SAMD5: variants seen among roughly 807,000 people sequenced by gnomAD.
SAMD5 encodes sterile alpha motif domain containing 5, also known as sterile alpha motif domain-containing protein 5.
A neutral mutation model predicts 11.3 loss-of-function variants in SAMD5; 13 were observed. The ratio of observed to expected loss-of-function variants is 1.15; its 90% CI spans 0.75 to 1.83. The LOEUF is 1.83. Ranked by LOEUF, SAMD5 falls within the 40% of genes most tolerant of loss-of-function variation. SAMD5 has a pLI of 0.00. For synonymous variants in SAMD5, 129 were observed against 111.3 expected, an observed-to-expected ratio of 1.16 and a Z score of -1.00; for missense variants, 255 against 239.1, an observed-to-expected ratio of 1.07 and a Z score of -0.44.
At chr6:147,530,513 T>A (rs1482055882) in intron 1 of SAMD5, among the ~76,000 whole-genome samples, 1 of 152,222 alleles carries the variant, frequency 6.6e-6, no homozygotes, top group Non-Finnish European at 1.5e-5. Flanking sequence ...ACCAGCTCCT[T>A]CCTTCCCCTC....
the SAMD5 span, among the ~76,000 whole-genome samples, chr6:147,917,497 C>T: frequency 4.6e-5 from 7 of 152,094 alleles, no homozygotes; most frequent in South Asian, 4.2e-4. Flanking sequence ...TTTTCTCCCA[C>T]TTTGTAGGTT....
chr6:147,924,145 G>GGA, the SAMD5 span, among the ~76,000 whole-genome samples: 2 of 152,108 alleles, frequency 1.3e-5, no homozygotes, highest in Non-Finnish European at 2.9e-5. Flanking sequence ...TGGGGAAGTG[G>GGA]GACCTTGCCA....
chr6:147,652,413 G>A (rs1790498837), intron 1 of SAMD5, among the ~76,000 whole-genome samples: 1 of 152,174 alleles, frequency 6.6e-6, no homozygotes. Context: ...CAATCAAGTA[G>A]AGATTCTGAG....
intron 1 of SAMD5, among the ~76,000 whole-genome samples, chr6:147,601,982 T>C (rs1270146126): frequency 1.3e-5 from 2 of 152,176 alleles, no homozygotes; most frequent in Admixed American, 1.3e-4. Context: ...CTCAGCAGAG[T>C]TGGAAGAGAC....
At position 147,711,999 on chromosome 6, in the gene SAMD5, A is replaced by G. The variant is rs958690963; in HGVS notation, c.163-25318A>G. ...ATTTTCTTACAGAAATCCAAGAGAC[A>G]TTACAGGGGAGATAAAGAAATTTTT... On this transcript the variant is annotated intron_variant, in intron 1 of 1. Transcript: ENST00000566741. This position sits in a 1 kb window ranked among gnomAD's most constrained non-coding sequence, Gnocchi z 4.1. Among the ~76,000 whole-genome samples, 4 of 152,224 alleles carry G rather than the reference A, an allele frequency of 2.6e-5. No homozygotes were observed. The highest frequency in any genetic ancestry group is 9.6e-5 in the African/African-American group (4 of 41,460).
the SAMD5 span, among the ~76,000 whole-genome samples, chr6:147,784,461 T>C: frequency 1.3e-5 from 2 of 152,338 alleles, no homozygotes; most frequent in South Asian, 4.1e-4. Flanking sequence ...TTGTTTCCCA[T>C]ATAAGCTGAA....
chr6:147,729,420 A>C (rs1480643764), intron 1 of SAMD5, among the ~76,000 whole-genome samples: 1 of 152,228 alleles, frequency 6.6e-6, no homozygotes, highest in Admixed American at 6.5e-5. Flanking sequence ...GAATTTATTT[A>C]TTTCCAACAC....
chr6:147,535,710 T>C (rs568425277), intron 1 of SAMD5, among the ~76,000 whole-genome samples: 62 of 152,258 alleles, frequency 4.1e-4, no homozygotes, highest in Admixed American at 1.3e-3. Context: ...TAGATAAGAC[T>C]TTTTGAAAGT....
the SAMD5 span, among the ~76,000 whole-genome samples, chr6:147,747,617 C>G: frequency 6.6e-6 from 1 of 152,170 alleles, no homozygotes; most frequent in Non-Finnish European, 1.5e-5. Flanking sequence ...CTCAAGCAAT[C>G]TTTCCACCTC....
the SAMD5 span, chr6:147,743,353 A>C: frequency 6.6e-6 from 1 of 152,242 alleles, no homozygotes; most frequent in Non-Finnish European, 1.5e-5. Context: ...TAAAAATACA[A>C]AAAATCAGCC....
intron 1 of SAMD5, among the ~76,000 whole-genome samples, chr6:147,610,896 G>T (rs1466901132): frequency 1.4e-5 from 2 of 147,724 alleles, no homozygotes; most frequent in Non-Finnish European, 3.0e-5. Flanking sequence ...TTGAGATGGA[G>T]TCTCACTCTG....
chr6:147,675,061 A>G (rs1193789699), intron 1 of SAMD5, among the ~76,000 whole-genome samples: 1 of 152,204 alleles, frequency 6.6e-6, no homozygotes, highest in Non-Finnish European at 1.5e-5. Flanking sequence ...GCCAGCTACT[A>G]TTAATCAATT....
At chr6:147,615,220 A>G (rs1371871015) in intron 1 of SAMD5, among the ~76,000 whole-genome samples, 3 of 150,326 alleles carry the variant, frequency 2.0e-5, no homozygotes, top group African/African-American at 7.6e-5. Flanking sequence ...AGCTAAGCAG[A>G]ATAAAAGTAT....
chr6:147,658,067 G>A (rs946514575), intron 1 of SAMD5, among the ~76,000 whole-genome samples: 1 of 152,164 alleles, frequency 6.6e-6, no homozygotes, highest in East Asian at 1.9e-4. Flanking sequence ...TGCATCCAAA[G>A]GGGACTTACA....
chr6:147,912,246 G>C, the SAMD5 span, among the ~76,000 whole-genome samples: 1 of 152,196 alleles, frequency 6.6e-6, no homozygotes, highest in Non-Finnish European at 1.5e-5. Flanking sequence ...TGTGATTAGA[G>C]GAAGGAGTGG....
chr6:147,825,535 C>G, the SAMD5 span, among the ~76,000 whole-genome samples: 3 of 152,104 alleles, frequency 2.0e-5, no homozygotes, highest in Non-Finnish European at 4.4e-5. Flanking sequence ...CCAGATGGCA[C>G]ATTTTATTAG....
chr6:147,921,274 AACACACACACACACACACAC>A, the SAMD5 span, among the ~76,000 whole-genome samples: 3 of 141,078 alleles, frequency 2.1e-5, no homozygotes, highest in East Asian at 2.1e-4. Context: ...GAGAGTATAA[AACACACACACACACACACAC>A]ACACACACAC....
chr6:147,903,452 G>A, the SAMD5 span, among the ~76,000 whole-genome samples: 3 of 152,140 alleles, frequency 2.0e-5, no homozygotes, highest in African/African-American at 7.2e-5. Context: ...CCTGTTCAGT[G>A]CAGATTCAGA....
the SAMD5 span, among the ~76,000 whole-genome samples, chr6:147,828,331 G>A: frequency 1.3e-5 from 2 of 152,220 alleles, no homozygotes; most frequent in African/African-American, 4.8e-5. Context: ...GCAAAAAAAA[G>A]GAGTTGTGAT....
Sources: allele counts gnomAD v4.1 joint callset (sites outside exome capture counted in the v4.1 genomes callset), GRCh38; gene constraint gnomAD v4.1.1; non-coding constraint Gnocchi (gnomAD v3.1); transcripts MANE v1.5; gene names NCBI Gene and HGNC (gene_info 2026-07-23, HGNC 2026-07-21).